The following CNTN5 variants were observed in gnomAD, a reference collection of about 807,000 sequenced individuals.
CNTN5 encodes the protein contactin-5.
A neutral mutation model predicts 129.1 loss-of-function variants in CNTN5; 77 were observed. That is an observed-to-expected ratio of 0.60 (90% CI 0.50 to 0.72). The LOEUF (loss-of-function observed/expected upper bound fraction) is 0.72, where lower values mean the gene tolerates loss of function less well. Among genes scored for constraint, CNTN5 ranks in the 30% least tolerant of loss-of-function variants. CNTN5 has a pLI of 0.00. For missense variants in CNTN5, 1,478 were observed against 1,328.8 expected, an observed-to-expected ratio of 1.11 and a Z score of -1.75; for synonymous variants, 509 against 465.6, an observed-to-expected ratio of 1.09 and a Z score of -1.20.
chr11:99,307,895 C>T (rs1864943591), intron 1 of CNTN5, among the ~76,000 whole-genome samples: 1 of 152,200 alleles, frequency 6.6e-6, no homozygotes, highest in African/African-American at 2.4e-5. Context: ...TGGAGCCAAA[C>T]ACATACACCC....
intron 18 of CNTN5, among the ~76,000 whole-genome samples, chr11:100,296,981 T>C (rs1951111520): frequency 6.6e-6 from 1 of 151,596 alleles, no homozygotes; most frequent in South Asian, 2.1e-4. Context: ...GCAGATTTCA[T>C]GGTTTGGTGC....
intron 2 of CNTN5, among the ~76,000 whole-genome samples, chr11:99,472,792 C>T (rs1945225843): frequency 6.6e-6 from 1 of 152,070 alleles, no homozygotes; most frequent in African/African-American, 2.4e-5. Flanking sequence ...CCTCACCCTC[C>T]CCAGGTGCAC....
intron 3 of CNTN5, among the ~76,000 whole-genome samples, chr11:99,627,300 A>G (rs367854817): frequency 6.6e-6 from 1 of 152,170 alleles, no homozygotes. Flanking sequence ...TTCCAAACTG[A>G]ACTACCTAAA....
chr11:100,065,852 T>C (rs1372868641), intron 10 of CNTN5, among the ~76,000 whole-genome samples: 3 of 152,160 alleles, frequency 2.0e-5, no homozygotes, highest in African/African-American at 7.2e-5. Context: ...GTTTTTGTTC[T>C]TTTTTCTTTT....
chr11:99,520,368 A>G (rs73536739), intron 2 of CNTN5, among the ~76,000 whole-genome samples: 6,998 of 152,134 alleles, frequency 0.046, 542 homozygotes, highest in African/African-American at 0.16. Flanking sequence ...TACTCCCCCA[A>G]TCCTCATCAG....
chr11:100,060,982 T>C (rs967800769), intron 9 of CNTN5, among the ~76,000 whole-genome samples: 5 of 77,222 alleles, frequency 6.5e-5, no homozygotes, highest in South Asian at 4.6e-4. Flanking sequence ...TTACAACTTA[T>C]ATTGTCTTTT....
chr11:99,405,376 G>C (rs1025785051), intron 2 of CNTN5, among the ~76,000 whole-genome samples: 1 of 151,816 alleles, frequency 6.6e-6, no homozygotes, highest in African/African-American at 2.4e-5. Context: ...AGATCCTATA[G>C]CTGTGCTTCA....
chr11:99,161,635 A>G (rs1412985597), intron 1 of CNTN5, among the ~76,000 whole-genome samples: 1 of 152,216 alleles, frequency 6.6e-6, no homozygotes, highest in Non-Finnish European at 1.5e-5. Flanking sequence ...TTGGACTGCC[A>G]GATTCCAAAA....
chr11:100,346,305 T>C (rs1952277895), intron 23 of CNTN5, among the ~76,000 whole-genome samples: 3 of 152,172 alleles, frequency 2.0e-5, no homozygotes, highest in Admixed American at 1.3e-4. Context: ...AAAAAGCTTA[T>C]TGACTAAAGT....
At chr11:99,485,515 G>A (rs1945777358) in intron 2 of CNTN5, among the ~76,000 whole-genome samples, 1 of 152,012 alleles carries the variant, frequency 6.6e-6, no homozygotes, top group Non-Finnish European at 1.5e-5. Context: ...AATACAGAAG[G>A]TTGTACATGT....
intron 8 of CNTN5, among the ~76,000 whole-genome samples, chr11:99,978,847 G>A (rs1029471513): frequency 6.6e-6 from 1 of 152,190 alleles, no homozygotes; most frequent in Non-Finnish European, 1.5e-5. Context: ...TATATGGGAA[G>A]AGAGGTAGGA....
At chr11:99,575,768 T>C (rs1203665858) in intron 3 of CNTN5, among the ~76,000 whole-genome samples, 4 of 152,154 alleles carry the variant, frequency 2.6e-5, no homozygotes, top group Admixed American at 2.0e-4. Context: ...TTCTAGCCAA[T>C]GCCACCAGAC....
intron 2 of CNTN5, among the ~76,000 whole-genome samples, chr11:99,349,433 T>C (rs182886255): frequency 2.1e-3 from 324 of 152,338 alleles, no homozygotes; most frequent in Non-Finnish European, 3.8e-3. Flanking sequence ...CAGATTTTTT[T>C]CCCCTGGTTT....
chr11:99,805,626 G>T (rs1316243548), intron 3 of CNTN5, among the ~76,000 whole-genome samples: 2 of 152,196 alleles, frequency 1.3e-5, no homozygotes, highest in East Asian at 3.9e-4. Flanking sequence ...GGTGACCAAG[G>T]AATGAACACT....
chr11:99,919,802 A>ATTTATTTTATTTTATTTTATTTTAT (rs145689745), intron 7 of CNTN5, among the ~76,000 whole-genome samples: 5 of 147,560 alleles, frequency 3.4e-5, no homozygotes, highest in East Asian at 2.0e-4. Flanking sequence ...TTTCTAGAAT[A>ATTTATTTTATTTTATTTTATTTTAT]TTTATTTTAT....
At chr11:99,555,348 G>T (rs1055572009) in intron 2 of CNTN5, among the ~76,000 whole-genome samples, 1 of 151,888 alleles carries the variant, frequency 6.6e-6, no homozygotes, top group Non-Finnish European at 1.5e-5. Context: ...AATTCTGGAG[G>T]TACTTGTGGA....
rs115931202 is a variant in CNTN5 at position 99,750,962 on chromosome 11, C to A, written c.56-68582C>A. On this transcript the variant is annotated intron_variant, in intron 3 of 24. Coordinates refer to ENST00000524871, the MANE Select transcript of CNTN5 (RefSeq NM_014361.4). ...CTTTAAAGCTAATATAGGCAAAAGTCACGTGGTCTTTCAATTAATTAACCA... is the reference window on the plus strand; with the variant it reads ...CTTTAAAGCTAATATAGGCAAAAGTAACGTGGTCTTTCAATTAATTAACCA... Among the ~76,000 whole-genome samples, 703 of 152,306 alleles carry A rather than the reference C, an allele frequency of 4.6e-3. 9 individuals are homozygous for A. Among genetic ancestry groups the A allele is most frequent in the African/African-American group, 0.016 (663 of 41,560 alleles).
chr11:99,462,856 A>G (rs1441857179), intron 2 of CNTN5, among the ~76,000 whole-genome samples: 1 of 152,096 alleles, frequency 6.6e-6, no homozygotes, highest in Non-Finnish European at 1.5e-5. Flanking sequence ...ACGCTGAGGC[A>G]GGTGGATCAT....
At chr11:99,879,615 AT>A (rs1263999091) in intron 6 of CNTN5, among the ~76,000 whole-genome samples, 1 of 152,018 alleles carries the variant, frequency 6.6e-6, no homozygotes, top group African/African-American at 2.4e-5. Context: ...GATTTGTTTC[AT>A]TTTGTTTTTA....
Sources: allele counts gnomAD v4.1 joint callset (sites outside exome capture counted in the v4.1 genomes callset), GRCh38; gene constraint gnomAD v4.1.1; transcripts MANE v1.5; gene names NCBI Gene and HGNC (gene_info 2026-07-23, HGNC 2026-07-21).